CREBBP: variants seen among roughly 807,000 people sequenced by gnomAD.
The protein encoded by CREBBP is CREB-binding protein.
A neutral mutation model predicts 265.0 loss-of-function variants in CREBBP; 19 were observed. The observed-to-expected ratio is 0.07, with a 90% CI of 0.05 to 0.11. The LOEUF (loss-of-function observed/expected upper bound fraction) is 0.11, where lower values mean the gene tolerates loss of function less well. Among genes scored for constraint, CREBBP ranks in the 10% least tolerant of loss-of-function variants. CREBBP has a pLI of 1.00. For missense variants in CREBBP, 2,525 were observed against 3,219.0 expected (o/e 0.78, Z 5.22); for synonymous variants, 1,457 against 1,223.7 (o/e 1.19, Z -3.98).
At chr16:3,799,150 T>C (rs2053664197) in intron 3 of CREBBP, among the ~76,000 whole-genome samples, 1 of 152,116 alleles carries the variant, frequency 6.6e-6, no homozygotes, top group Admixed American at 6.6e-5. Context: ...AGACTAGCGG[T>C]TGGCTGGAGA....
At chr16:3,757,506 A>G (rs896961750) in intron 18 of CREBBP, 130 bp from the exon 19 acceptor site, 82 of 946,128 alleles carry the variant, frequency 8.7e-5, no homozygotes, top group Non-Finnish European at 1.3e-4. Context: ...TAACAATTTT[A>G]GTAGCTTTAA....
intron 21 of CREBBP, among the ~76,000 whole-genome samples, chr16:3,748,223 AGCCGAGATC>A (rs1276773735): frequency 6.6e-6 from 1 of 152,032 alleles, no homozygotes; most frequent in Non-Finnish European, 1.5e-5. Flanking sequence ...GGCTGCAGTG[AGCCGAGATC>A]GCGCCACTGC....
rs2053071636 is a variant in CREBBP at position 3,773,816 on chromosome 16, G to A, written c.2398C>T (p.Pro800Ser). Residue 800 changes from proline (P) to serine (S), a missense_variant, in exon 13 of 31, where the codon CCG (proline) becomes TCG (serine). Coordinates refer to ENST00000262367, the MANE Select transcript of CREBBP (RefSeq NM_004380.3). ...QSQFLPQNQFPSSSGAMSVGM... is the reference protein window; with the variant it reads ...QSQFLPQNQFSSSSGAMSVGM... ...ACACTCATCGCCCCGCTGGATGACGGGAACTGGTTCTGTGGCAGAAACTGG... is the reference window on the plus strand; with the variant it reads ...ACACTCATCGCCCCGCTGGATGACGAGAACTGGTTCTGTGGCAGAAACTGG... The A allele has an allele frequency of 6.2e-7, 1 of 1,613,216 alleles. No homozygotes were observed. The highest frequency in any genetic ancestry group is 1.1e-5 in the South Asian group (1 of 91,032).
rs370288706 is a variant in CREBBP at position 3,735,158 on chromosome 16, C to A, written c.4728+878G>T. On this transcript the variant is annotated intron_variant, in intron 28 of 30. Transcript: ENST00000262367. ...TCTTCCAGCACCTTCCTGTGGTGGG[C>A]GGGTCTGGCCCACACGCCACCTCCC... Among the ~76,000 whole-genome samples, 17 of 152,248 alleles carry A rather than the reference C, an allele frequency of 1.1e-4. 1 individual carries two copies. The highest frequency in any genetic ancestry group is 4.1e-4 in the African/African-American group (17 of 41,548).
chr16:3,792,342 A>ATGGGTGAT (rs2053523102), intron 4 of CREBBP, among the ~76,000 whole-genome samples: 2 of 152,250 alleles, frequency 1.3e-5, no homozygotes, highest in African/African-American at 4.8e-5. Flanking sequence ...GGCAGCCCAC[A>ATGGGTGAT]AAACAAAACA....
At chr16:3,820,981 T>G (rs2054130975) in intron 2 of CREBBP, among the ~76,000 whole-genome samples, 1 of 152,172 alleles carries the variant, frequency 6.6e-6, no homozygotes, top group South Asian at 2.1e-4. Flanking sequence ...GTCCCTACAG[T>G]TAGAGACGCT....
chr16:3,766,121 GA>G (rs928538585), intron 16 of CREBBP, among the ~76,000 whole-genome samples: 2 of 150,616 alleles, frequency 1.3e-5, no homozygotes, highest in Admixed American at 6.6e-5. Flanking sequence ...AGTGTCAATT[GA>G]AAAAAAAATC....
intron 16 of CREBBP, among the ~76,000 whole-genome samples, chr16:3,762,299 G>C (rs2052738375): frequency 6.6e-6 from 1 of 151,012 alleles, no homozygotes; most frequent in East Asian, 2.0e-4. Context: ...CACTTTGGTT[G>C]ATCATTTATT....
At chr16:3,818,595 A>G (rs889854206) in intron 2 of CREBBP, among the ~76,000 whole-genome samples, 6 of 152,086 alleles carry the variant, frequency 3.9e-5, no homozygotes, top group African/African-American at 1.2e-4. Context: ...AAGGGCTGGG[A>G]TTACAGGCGT....
intron 13 of CREBBP, among the ~76,000 whole-genome samples, chr16:3,772,096 T>C (rs1596890416): frequency 6.6e-6 from 1 of 152,146 alleles, no homozygotes; most frequent in African/African-American, 2.4e-5. Flanking sequence ...GGGGAGCTAC[T>C]GTACATTGAC....
rs1336163740 is a variant in CREBBP at position 3,759,718 on chromosome 16, T to C, written c.3251-746A>G. On this transcript the variant is annotated intron_variant, in intron 16 of 30. Coordinates refer to ENST00000262367, the MANE Select transcript of CREBBP (RefSeq NM_004380.3). ...TGAATCTCATAAATGTAAACAGTAA[T>C]AGAGCTACAAAATAAAGCATTTTTA... Among the ~76,000 whole-genome samples, 6 of 152,076 alleles carry C rather than the reference T, an allele frequency of 3.9e-5. No homozygotes were observed. The East Asian group carries it at 7.7e-4, about 20-fold the overall frequency.
intron 15 of CREBBP, 49 bp downstream of exon 15, chr16:3,769,125 G>C (rs1441147102): frequency 1.9e-6 from 3 of 1,608,708 alleles, no homozygotes; most frequent in East Asian, 2.2e-5. Context: ...AGGACACCTG[G>C]GTAAAGTTGC....
chr16:3,854,921 G>C (rs915493259), intron 1 of CREBBP, among the ~76,000 whole-genome samples: 2 of 152,208 alleles, frequency 1.3e-5, no homozygotes, highest in African/African-American at 4.8e-5. Flanking sequence ...AACCGAGACT[G>C]AGAGTAAGTT....
chr16:3,869,905 T>C (rs974023227), intron 1 of CREBBP, among the ~76,000 whole-genome samples: 6 of 152,196 alleles, frequency 3.9e-5, no homozygotes, highest in African/African-American at 1.4e-4. Context: ...ATCATTCAAA[T>C]GATTCCCTCA....
chr16:3,849,449 GTGTGTGT>G (rs1567360730), intron 2 of CREBBP, among the ~76,000 whole-genome samples: 17 of 49,072 alleles, frequency 3.5e-4, no homozygotes, highest in South Asian at 8.8e-4. Context: ...GTGTGTGTGT[GTGTGTGT>G]GTGTGTGTGT....
chr16:3,835,435 T>C (rs1281014192), intron 2 of CREBBP, among the ~76,000 whole-genome samples: 1 of 152,138 alleles, frequency 6.6e-6, no homozygotes, highest in Non-Finnish European at 1.5e-5. Context: ...TCATGGGCTA[T>C]AGTTTGCCCT....
chr16:3,759,037 T>A, intron 16 of CREBBP, 65 bp from the exon 17 acceptor site: 1 of 1,265,048 alleles, frequency 7.9e-7, no homozygotes, highest in Non-Finnish European at 1.2e-6. Flanking sequence ...TACCTCACAT[T>A]TAAAACGGAA....
At chr16:3,740,572 G>C (rs2052179405) in intron 23 of CREBBP, 23 bp from the exon 24 acceptor site, 1 of 1,614,084 alleles carries the variant, frequency 6.2e-7, no homozygotes, top group Non-Finnish European at 8.5e-7. Flanking sequence ...GAAGGAGCAG[G>C]TGAGAGGGCT....
At chr16:3,849,469 G>GA (rs2054775805) in intron 2 of CREBBP, among the ~76,000 whole-genome samples, 3 of 128,242 alleles carry the variant, frequency 2.3e-5, no homozygotes, top group South Asian at 2.5e-4. Flanking sequence ...GTGTGTGTGT[G>GA]TGTGTGTGTG....
Sources: allele counts gnomAD v4.1 joint callset (sites outside exome capture counted in the v4.1 genomes callset), GRCh38; gene constraint gnomAD v4.1.1; transcripts MANE v1.5; gene names NCBI Gene and HGNC (gene_info 2026-07-23, HGNC 2026-07-21).